The following KRIT1 variants were observed in gnomAD, a reference collection of about 807,000 sequenced individuals.
The protein encoded by KRIT1 is krev interaction trapped protein 1.
A neutral mutation model predicts 95.8 loss-of-function variants in KRIT1; 45 were observed. The ratio of observed to expected loss-of-function variants is 0.47; its 90% confidence interval spans 0.37 to 0.60. KRIT1 has a LOEUF of 0.60. KRIT1 is among the 20% of genes least tolerant of loss of function. The probability of loss-of-function intolerance (pLI) is 0.00; values close to 1 mark genes in which losing one functional copy is unlikely to be tolerated. For synonymous variants in KRIT1, 282 were observed against 278.8 expected, an observed-to-expected ratio of 1.01 and a Z score of -0.11; for missense variants, 788 against 877.5, an observed-to-expected ratio of 0.90 and a Z score of 1.29.
intron 3 of KRIT1, among the ~76,000 whole-genome samples, chr7:92,243,771 T>C (rs549660537): frequency 6.6e-6 from 1 of 152,220 alleles, no homozygotes; most frequent in South Asian, 2.1e-4. Context: ...AAATTTTAAA[T>C]AAAATAATTT....
intron 17 of KRIT1, among the ~76,000 whole-genome samples, chr7:92,203,345 T>C (rs1259957263): frequency 6.6e-6 from 1 of 152,244 alleles, no homozygotes; most frequent in East Asian, 1.9e-4. Context: ...GGCTGAAATA[T>C]GCAACTATCT....
At position 92,225,824 on chromosome 7, in the gene KRIT1, T is replaced by A. The variant is rs146060717; in HGVS notation, c.1150A>T (p.Ile384Leu). The A allele has an allele frequency of 4.5e-6, 7 of 1,563,048 alleles. No homozygotes were observed. Among genetic ancestry groups the A allele is most frequent in the South Asian group, 1.1e-5 (1 of 90,090 alleles). ...LLNHPETDRH[I>L]TDQQGRSPLN... The stretch of plus-strand genomic sequence containing the variant: ...GGAGATCTTCCTTGTTGGTCTGTTA[T>A]ATGCTAGAAATGTGGGTGGGGAGGG... The change falls in exon 12 of 19, where the codon ATA becomes TTA. Residue 384 changes from isoleucine to leucine, a missense_variant. Transcript: ENST00000394505.
At chr7:92,220,261 C>T (rs1341658913) in intron 14 of KRIT1, among the ~76,000 whole-genome samples, 1 of 152,046 alleles carries the variant, frequency 6.6e-6, no homozygotes, top group Non-Finnish European at 1.5e-5. Context: ...TGTCAAATGC[C>T]TTTCTGCATC....
Position 92,241,935 on chromosome 7 carries a change from G to A in KRIT1, c.102+99C>T, listed in dbSNP as rs11984192. 3.0e-3 allele frequency: 2,243 copies of A among 745,278 alleles called. 39 individuals carry two copies. In the African/African-American group the frequency reaches 0.036, roughly 12 times the overall value. 46.2% of individuals were successfully genotyped at this position (745,278 alleles called of 1,614,324 possible). On this transcript the variant is annotated intron_variant, in intron 4 of 18. Coordinates refer to ENST00000394505, the MANE Select transcript of KRIT1 (RefSeq NM_194454.3). Reference sequence around the variant, plus strand: ...GGCAGAGACCTAAAATAATTGGCTTGTTAATACAACTTTACAAGATATAAT... The same window carrying A: ...GGCAGAGACCTAAAATAATTGGCTTATTAATACAACTTTACAAGATATAAT...
At chr7:92,218,113 A>T (rs1206561965) in intron 14 of KRIT1, among the ~76,000 whole-genome samples, 3 of 152,110 alleles carry the variant, frequency 2.0e-5, no homozygotes, top group African/African-American at 7.2e-5. Context: ...AGTACAGTGG[A>T]TGATCATAAC....
intron 17 of KRIT1, among the ~76,000 whole-genome samples, chr7:92,201,804 G>A (rs1790231940): frequency 6.6e-6 from 1 of 151,660 alleles, no homozygotes; most frequent in Non-Finnish European, 1.5e-5. Context: ...TTCTGTTCTT[G>A]TGATAGTTTG....
At chr7:92,217,646 C>T (rs1177771349) in intron 14 of KRIT1, among the ~76,000 whole-genome samples, 1 of 152,164 alleles carries the variant, frequency 6.6e-6, no homozygotes, top group Non-Finnish European at 1.5e-5. Context: ...ATATAGATCA[C>T]ATTTTGTTTG....
upstream of KRIT1, chr7:92,245,985 C>G (rs1380073891): frequency 8.5e-6 from 2 of 234,214 alleles, no homozygotes; most frequent in Non-Finnish European, 1.7e-5. Context: ...GGTCGGCGGC[C>G]GGGCTGCTGC....
At position 92,201,312 on chromosome 7, in the gene KRIT1, T is replaced by C. The variant is rs982588040; in HGVS notation, c.2137A>G (p.Lys713Glu). 6 of 1,364,462 alleles carry C rather than the reference T, an allele frequency of 4.4e-6. No homozygotes were observed. In the Admixed American group the frequency reaches 6.7e-5, roughly 15 times the overall value. 84.5% of individuals were successfully genotyped at this position (1,364,462 alleles called of 1,614,324 possible). ...ENKMSFIVHT[K>E]QAGLVVKLLM... ...CCAAAATAAATGATACTTACCTGTT[T>C]TGTATGTACTATAAAGCTCATTTTA... Residue 713 changes from lysine to glutamate, a missense_variant, in exon 18 of 19, where the codon AAA (lysine) becomes GAA (glutamate). Coordinates refer to ENST00000394505, the MANE Select transcript of KRIT1 (RefSeq NM_194454.3).
intron 10 of KRIT1, among the ~76,000 whole-genome samples, chr7:92,227,524 G>C (rs1464109143): frequency 6.6e-6 from 1 of 152,086 alleles, no homozygotes; most frequent in African/African-American, 2.4e-5. Context: ...TCTGATAGAA[G>C]AACAATTTGA....
Position 92,200,480 on chromosome 7 carries a change from A to C in KRIT1, c.*256T>G. ...AGCGATCTCCCACCTTGGCCTCCCT[A>C]GTAGCTAGGATTATAGGCGCCCGCC... On this transcript the variant is annotated 3_prime_UTR_variant, in exon 19 of 19. Transcript: ENST00000394505. The C allele has an allele frequency of 2.3e-6, 1 of 432,658 alleles. No individual in the cohort carries two copies. Among genetic ancestry groups the C allele is most frequent in the South Asian group, 2.1e-5 (1 of 46,998 alleles). 26.8% of individuals were successfully genotyped at this position (432,658 alleles called of 1,614,324 possible).
chr7:92,241,072 G>T lies in KRIT1; in HGVS notation c.183C>A (p.Asn61Lys). Residue 61 changes from asparagine (N) to lysine (K), a missense_variant, in exon 5 of 19, where the codon AAC (asparagine) becomes AAA (lysine). Physicochemically the swap from Asn to Lys is moderately conservative, Grantham distance 94. Coordinates refer to ENST00000394505, the MANE Select transcript of KRIT1 (RefSeq NM_194454.3). ...KVLLETKLQG[N>K]SEITQGILDY... The stretch of plus-strand genomic sequence containing the variant: ...CCAATATGCCTTGTGTTATTTCACT[G>T]TTGCCTTGAAGTTTCGTTTCCAATA... 1 of 1,610,810 alleles carries T rather than the reference G, an allele frequency of 6.2e-7. No homozygotes were observed. Among genetic ancestry groups the T allele is most frequent in the Non-Finnish European group, 8.5e-7 (1 of 1,177,060 alleles).
At chr7:92,203,134 A>C (rs936467503) in intron 17 of KRIT1, among the ~76,000 whole-genome samples, 7 of 152,244 alleles carry the variant, frequency 4.6e-5, no homozygotes, top group African/African-American at 1.7e-4. Flanking sequence ...GAAACAACTG[A>C]CACAAAAAAC....
At chr7:92,241,246 G>A in intron 4 of KRIT1, 94 bp from the exon 5 acceptor site, 1 of 906,510 alleles carries the variant, frequency 1.1e-6, no homozygotes, top group South Asian at 1.4e-5. Flanking sequence ...AACTCTAGCT[G>A]CATATTAGAA....
chr7:92,205,948 A>C (rs1791385195), intron 17 of KRIT1: 1 of 152,236 alleles, frequency 6.6e-6, no homozygotes, highest in Non-Finnish European at 1.5e-5. Context: ...GGTCTAACCC[A>C]CCTACTGCTG....
At chr7:92,241,668 C>T (rs191901838) in intron 4 of KRIT1, among the ~76,000 whole-genome samples, 4 of 152,000 alleles carry the variant, frequency 2.6e-5, no homozygotes, top group South Asian at 2.1e-4. Context: ...TATTTTAAAA[C>T]GAATTGTTAA....
chr7:92,226,512 G>A lies in KRIT1; in HGVS notation c.1146+14C>T. The A allele has an allele frequency of 1.3e-6, 2 of 1,595,412 alleles. No homozygotes were observed. The highest frequency in any genetic ancestry group is 1.7e-6 in the Non-Finnish European group (2 of 1,163,464). Reference sequence around the variant, plus strand: ...GCTTGAATATTATTTTTAAAAACCTGGAAAATAACTTACTCTATCCGTTTC... The same window carrying A: ...GCTTGAATATTATTTTTAAAAACCTAGAAAATAACTTACTCTATCCGTTTC... On this transcript the variant is annotated intron_variant, in intron 11 of 18. Coordinates refer to ENST00000394505, the MANE Select transcript of KRIT1 (RefSeq NM_194454.3).
Position 92,211,347 on chromosome 7 carries a change from A to G in KRIT1, c.2025+1848T>C, listed in dbSNP as rs193096708. Among the ~76,000 whole-genome samples, 324 of 152,342 alleles carry G rather than the reference A, an allele frequency of 2.1e-3. 4 individuals carry two copies. Among genetic ancestry groups the G allele is most frequent in the African/African-American group, 7.2e-3 (299 of 41,580 alleles). ...ATGAAATATTATTCAGCCATAAAAAAGAATGAAATCTTGCATTCGCAACAA... is the reference window on the plus strand; with the variant it reads ...ATGAAATATTATTCAGCCATAAAAAGGAATGAAATCTTGCATTCGCAACAA... On this transcript the variant is annotated intron_variant, in intron 17 of 18. Coordinates refer to ENST00000394505, the MANE Select transcript of KRIT1 (RefSeq NM_194454.3).
At position 92,235,637 on chromosome 7, in the gene KRIT1, A is replaced by C. The variant is rs780013006; in HGVS notation, c.495T>G (p.Asp165Glu). 3 of 1,613,766 alleles carry C rather than the reference A, an allele frequency of 1.9e-6. No homozygotes were observed. The African/African-American group carries it at 4.0e-5, about 22-fold the overall frequency. Residue 165 changes from aspartate to glutamate, a missense_variant, in exon 8 of 19, where the codon GAT becomes GAG. Asp to Glu is a conservative substitution (Grantham distance 45). Around this residue, in one of 3 missense-constraint regions of KRIT1, gnomAD observed 289 missense variants for 277.5 expected, o/e 1.04. Transcript: ENST00000394505. Reference sequence around the variant, plus strand: ...TAAAGTGAGATTGTGCATGACGTTCATCTAACCACCTGGCAAAATAAAAAA... The same window carrying C: ...TAAAGTGAGATTGTGCATGACGTTCCTCTAACCACCTGGCAAAATAAAAAA... ...RMLIALDKWL[D>E]ERHAQSHFIP...
Sources: gnomAD v4.1 joint callset for allele counts (sites outside exome capture counted in the v4.1 genomes callset) on GRCh38, gnomAD v4.1.1 for gene constraint, gnomAD v4.1.1 regional missense constraint, MANE v1.5 for transcripts, NCBI Gene and HGNC (gene_info 2026-07-23, HGNC 2026-07-21) for gene names.